The following ACSM3 variants were observed in gnomAD, a reference collection of about 807,000 sequenced individuals.
ACSM3 encodes the protein acyl-coenzyme A synthetase ACSM3, mitochondrial.
In ACSM3, 61 loss-of-function variants were observed where a neutral mutation model predicts 74.1. That is an observed-to-expected ratio of 0.82 (90% CI 0.67 to 1.02). The LOEUF is 1.02. Ranked by LOEUF, ACSM3 falls within the 50% of genes least tolerant of loss-of-function variation. ACSM3 has a pLI of 0.00. For missense variants in ACSM3, 660 were observed against 697.0 expected (o/e 0.95, Z 0.60); for synonymous variants, 213 against 241.5 (o/e 0.88, Z 1.09).
At chr16:20,785,394 C>T (rs933687630) in intron 8 of ACSM3, among the ~76,000 whole-genome samples, 3 of 152,116 alleles carry the variant, frequency 2.0e-5, no homozygotes, top group African/African-American at 7.2e-5. Flanking sequence ...GAAAGAATTC[C>T]TCCCAGTGTG....
intron 1 of ACSM3, among the ~76,000 whole-genome samples, chr16:20,743,026 C>T (rs1406555772): frequency 3.3e-5 from 5 of 150,500 alleles, no homozygotes; most frequent in South Asian, 4.2e-4. Flanking sequence ...CTGCAAGCTC[C>T]GCCTCCCAGG....
In ACSM3 at chr16:20,769,977, C is replaced by A; in HGVS notation, c.-51-7C>A. 6.4e-7 allele frequency: 1 copy of A among 1,560,084 alleles called. No homozygotes were observed. The highest frequency in any genetic ancestry group is 8.8e-7 in the Non-Finnish European group (1 of 1,135,388). ...ACAAATATATGTCCTTTTTGCTTGT[C>A]TTTTAGATGAACTGGTCTCTGTGCA... is the stretch of plus-strand genomic sequence containing the variant. On this transcript the variant is annotated splice_polypyrimidine_tract_variant and splice_region_variant and intron_variant, in intron 1 of 13. Coordinates refer to ENST00000289416, the MANE Select transcript of ACSM3 (RefSeq NM_005622.4).
chr16:20,784,008 G>A (rs942050903), intron 7 of ACSM3, among the ~76,000 whole-genome samples: 6 of 152,116 alleles, frequency 3.9e-5, no homozygotes, highest in Non-Finnish European at 8.8e-5. Flanking sequence ...GTTCTGCCAC[G>A]TTGGCCAGGC....
At chr16:20,697,975 A>T (rs2079698955) in intron 1 of ACSM3, among the ~76,000 whole-genome samples, 1 of 152,048 alleles carries the variant, frequency 6.6e-6, no homozygotes, top group South Asian at 2.1e-4. Flanking sequence ...CGGGCGGATC[A>T]CGAGGTCAGG....
At chr16:20,677,558 A>G (rs78343084) in intron 1 of ACSM3, among the ~76,000 whole-genome samples, 1 of 152,224 alleles carries the variant, frequency 6.6e-6, no homozygotes, top group African/African-American at 2.4e-5. Context: ...ATTGCTGTGT[A>G]AATGTGATAG....
intron 1 of ACSM3, chr16:20,727,472 T>G (rs2079810770): frequency 2.3e-6 from 1 of 438,750 alleles, no homozygotes; most frequent in African/African-American, 2.1e-5. Context: ...AAGTGGTATA[T>G]TTAAAGGGCA....
intron 3 of ACSM3, among the ~76,000 whole-genome samples, chr16:20,758,435 G>C (rs1469784073): frequency 6.6e-6 from 1 of 152,018 alleles, no homozygotes; most frequent in Non-Finnish European, 1.5e-5. Flanking sequence ...GGTGTTTGTA[G>C]TATTCTCTGA....
At chr16:20,717,330 T>C (rs1356085643) in intron 1 of ACSM3, among the ~76,000 whole-genome samples, 1 of 152,222 alleles carries the variant, frequency 6.6e-6, no homozygotes, top group Non-Finnish European at 1.5e-5. Flanking sequence ...CTTGCTTAGA[T>C]TAATCAAGCT....
intron 1 of ACSM3, among the ~76,000 whole-genome samples, chr16:20,718,020 G>GAAGAAA (rs2079771497): frequency 1.4e-5 from 2 of 147,138 alleles, no homozygotes; most frequent in African/African-American, 5.2e-5. Flanking sequence ...AGAAGAAGAA[G>GAAGAAA]AAGAAGAAAA....
chr16:20,741,375 G>A, intron 1 of ACSM3: 1 of 1,142,932 alleles, frequency 8.7e-7, no homozygotes, highest in Non-Finnish European at 1.2e-6. Flanking sequence ...GGAAACGCCG[G>A]CGAGGCCACG....
intron 1 of ACSM3, among the ~76,000 whole-genome samples, chr16:20,696,226 G>A (rs999502514): frequency 3.3e-5 from 5 of 152,134 alleles, no homozygotes; most frequent in Admixed American, 6.5e-5. Flanking sequence ...TTTCTCAGAC[G>A]TATCTTGGTT....
chr16:20,775,691 TC>T (rs1027050177), intron 2 of ACSM3, 147 bp from the exon 3 acceptor site: 3 of 742,458 alleles, frequency 4.0e-6, no homozygotes, highest in Non-Finnish European at 6.8e-6. Flanking sequence ...TGATGATGTC[TC>T]CCCCAGAGTT....
At chr16:20,709,873 C>G (rs1435874897) in intron 1 of ACSM3, among the ~76,000 whole-genome samples, 1 of 152,168 alleles carries the variant, frequency 6.6e-6, no homozygotes, top group Non-Finnish European at 1.5e-5. Context: ...ACCTTTGAAT[C>G]CTTTCAGTTC....
At chr16:20,728,477 C>T (rs2079814474) in intron 1 of ACSM3, 2 of 1,205,958 alleles carry the variant, frequency 1.7e-6, no homozygotes, top group South Asian at 1.3e-5. Flanking sequence ...TCTGTTTCTT[C>T]TCTGAATATG....
chr16:20,716,662 A>C (rs1387148799), intron 1 of ACSM3, among the ~76,000 whole-genome samples: 3 of 151,994 alleles, frequency 2.0e-5, no homozygotes, highest in African/African-American at 7.2e-5. Context: ...TCACACCCTC[A>C]CCTGTTTACC....
In ACSM3 at chr16:20,797,159, A is replaced by G. The variant is rs2080739135; in HGVS notation, c.*187A>G. 1.5e-6 allele frequency: 2 copies of G among 1,339,394 alleles called. No individual in the cohort carries two copies. The highest frequency in any genetic ancestry group is 3.0e-5 in the African/African-American group (2 of 65,596). The allele number at this position is 1,339,394 out of a possible 1,614,324, so 83.0% of individuals were successfully genotyped here. A position where few individuals can be genotyped will look rare whatever the true frequency, so the allele number is the denominator to read the frequency against. ...TAAAATATTTGGCAAATTCCTCCAC[A>G]TTAGTGTCAATGTTCCTATCATTTC... On this transcript the variant is annotated 3_prime_UTR_variant, in exon 14 of 14. Coordinates refer to ENST00000289416, the MANE Select transcript of ACSM3 (RefSeq NM_005622.4).
rs563066159 is a variant in ACSM3 at position 20,678,760 on chromosome 16, G to A, written c.-190+3938G>A. Among the ~76,000 whole-genome samples, 6 of 152,306 alleles carry A rather than the reference G, an allele frequency of 3.9e-5. No individual in the cohort carries two copies. In the South Asian group the frequency reaches 8.3e-4, roughly 21 times the overall value. Reference sequence around the variant, plus strand: ...ACAGACTGCAGAGCTCAGGTAAAGCGAAGAGCATGAACCAGACACTAAAAC... The same window carrying A: ...ACAGACTGCAGAGCTCAGGTAAAGCAAAGAGCATGAACCAGACACTAAAAC... On this transcript the variant is annotated intron_variant, in intron 1 of 3. Coordinates refer to the ACSM3 transcript ENST00000561584.
chr16:20,791,942 A>AT, intron 10 of ACSM3, 60 bp from the exon 11 acceptor site: 1 of 1,570,258 alleles, frequency 6.4e-7, no homozygotes, highest in Non-Finnish European at 8.6e-7. Flanking sequence ...AAAAAAAAAA[A>AT]TTCCAATTGA....
At chr16:20,769,410 C>T (rs750554973) in intron 1 of ACSM3, among the ~76,000 whole-genome samples, 6 of 152,220 alleles carry the variant, frequency 3.9e-5, no homozygotes, top group Non-Finnish European at 8.8e-5. Context: ...GTATGGGCCC[C>T]TATTGAGAGC....
Sources: gnomAD v4.1 joint callset for allele counts (sites outside exome capture counted in the v4.1 genomes callset) on GRCh38, gnomAD v4.1.1 for gene constraint, MANE v1.5 for transcripts, NCBI Gene and HGNC (gene_info 2026-07-23, HGNC 2026-07-21) for gene names.